The following MAP4K3 variants were observed in gnomAD, a reference collection of about 807,000 sequenced individuals.
MAP4K3 encodes mitogen-activated protein kinase kinase kinase kinase 3, also known as MAPK/ERK kinase kinase kinase 3.
MAP4K3 carries 94 observed loss-of-function variants against 143.5 expected under a neutral mutation model. The ratio of observed to expected loss-of-function variants is 0.65; its 90% confidence interval spans 0.55 to 0.78. The LOEUF (loss-of-function observed/expected upper bound fraction) is 0.78, where lower values mean the gene tolerates loss of function less well. Among genes scored for constraint, MAP4K3 ranks in the 30% least tolerant of loss-of-function variants. MAP4K3 has a pLI of 0.00. For missense variants in MAP4K3, 1,077 were observed against 1,068.1 expected, an observed-to-expected ratio of 1.01 and a Z score of -0.12; for synonymous variants, 416 against 347.2, an observed-to-expected ratio of 1.20 and a Z score of -2.20.
At chr2:39,434,290 A>G (rs1470330383) in intron 1 of MAP4K3, among the ~76,000 whole-genome samples, 1 of 152,226 alleles carries the variant, frequency 6.6e-6, no homozygotes, top group East Asian at 1.9e-4. Flanking sequence ...AGCAAAACAA[A>G]TAACAAAAAA....
rs74586184 is a variant in MAP4K3 at position 39,416,307 on chromosome 2, A to C, written c.96+20585T>G. 8.1e-3 allele frequency among the ~76,000 whole-genome samples: 1,227 copies of C among 152,160 alleles called. 18 individuals carry two copies. Among genetic ancestry groups the C allele is most frequent in the African/African-American group, 0.028 (1,176 of 41,494 alleles). On this transcript the variant is annotated intron_variant, in intron 1 of 33. Coordinates refer to ENST00000263881, the MANE Select transcript of MAP4K3 (RefSeq NM_003618.4). ...ACCAAATAGATAAGATGTTTCTGGC[A>C]TGTTAATAAAGAAATTCCTTCAACT...
At chr2:39,262,548 C>G (rs149986937) in intron 28 of MAP4K3, among the ~76,000 whole-genome samples, 1 of 152,078 alleles carries the variant, frequency 6.6e-6, no homozygotes, top group African/African-American at 2.4e-5. Flanking sequence ...AGTTTAAACA[C>G]AGAAACAACG....
intron 8 of MAP4K3, among the ~76,000 whole-genome samples, chr2:39,329,937 T>C (rs1041991094): frequency 3.9e-5 from 6 of 152,046 alleles, no homozygotes; most frequent in Admixed American, 2.0e-4. Context: ...GGCTCCATCA[T>C]GAAAATATGA....
intron 1 of MAP4K3, among the ~76,000 whole-genome samples, chr2:39,422,944 A>T (rs1425585539): frequency 6.6e-6 from 1 of 152,196 alleles, no homozygotes; most frequent in Non-Finnish European, 1.5e-5. Context: ...CATTAAAATT[A>T]AAAACTTCTG....
intron 1 of MAP4K3, among the ~76,000 whole-genome samples, chr2:39,392,247 C>T (rs1215845615): frequency 6.7e-6 from 1 of 149,322 alleles, no homozygotes; most frequent in African/African-American, 2.5e-5. Flanking sequence ...AATATCACTT[C>T]TCTAACCCGT....
At chr2:39,433,383 T>C (rs1665353892) in intron 1 of MAP4K3, among the ~76,000 whole-genome samples, 1 of 152,190 alleles carries the variant, frequency 6.6e-6, no homozygotes, top group African/African-American at 2.4e-5. Context: ...CTCCTGCTTC[T>C]TTCTAGCAAA....
chr2:39,332,907 A>G (rs550329920), intron 7 of MAP4K3, among the ~76,000 whole-genome samples: 16 of 152,176 alleles, frequency 1.1e-4, no homozygotes, highest in South Asian at 1.0e-3. Context: ...ATAGTTTAAA[A>G]TAACTGTTTT....
At position 39,437,227 on chromosome 2, in the gene MAP4K3, A is replaced by T. The variant is rs1291716748; in HGVS notation, c.-240T>A. ...CGCCGCGCCGAACCTGGTCACACCC[A>T]CAAGGAGAGGAGAACCCTCGCAGCC... On this transcript the variant is annotated 5_prime_UTR_variant, in exon 1 of 34. Transcript: ENST00000263881. 3 of 309,124 alleles carry T rather than the reference A, an allele frequency of 9.7e-6. No homozygotes were observed. The highest frequency in any genetic ancestry group is 1.2e-5 in the Non-Finnish European group (2 of 170,598). 19.1% of individuals were successfully genotyped at this position (309,124 alleles called of 1,614,324 possible).
intron 24 of MAP4K3, among the ~76,000 whole-genome samples, chr2:39,276,301 CT>C (rs1241377710): frequency 6.6e-6 from 1 of 152,230 alleles, no homozygotes; most frequent in East Asian, 1.9e-4. Flanking sequence ...TATACTCCAT[CT>C]TTCTGTTACT....
At chr2:39,430,288 C>T (rs768297797) in intron 1 of MAP4K3, among the ~76,000 whole-genome samples, 6 of 151,984 alleles carry the variant, frequency 3.9e-5, no homozygotes, top group Non-Finnish European at 8.8e-5. Flanking sequence ...CTTAAACAAA[C>T]AAAATAAGTG....
At chr2:39,290,445 T>G (rs1265145581) in intron 18 of MAP4K3, 111 bp from the exon 19 acceptor site, 2 of 663,764 alleles carry the variant, frequency 3.0e-6, no homozygotes, top group Non-Finnish European at 5.0e-6. Context: ...ACAAATATCA[T>G]TTTCTAAGAT....
chr2:39,397,833 A>G (rs1399151628), intron 1 of MAP4K3, among the ~76,000 whole-genome samples: 2 of 152,250 alleles, frequency 1.3e-5, no homozygotes, highest in African/African-American at 4.8e-5. Flanking sequence ...AGATAATCCA[A>G]TGAAAAAATG....
chr2:39,300,879 T>C (rs1444903467), intron 15 of MAP4K3, among the ~76,000 whole-genome samples: 3 of 152,198 alleles, frequency 2.0e-5, no homozygotes, highest in Non-Finnish European at 4.4e-5. Context: ...CAATGGGAAA[T>C]AATCAAATCT....
At chr2:39,298,869 G>A (rs1682393510) in intron 16 of MAP4K3, among the ~76,000 whole-genome samples, 1 of 151,410 alleles carries the variant, frequency 6.6e-6, no homozygotes, top group African/African-American at 2.4e-5. Context: ...GGAGGCTGGG[G>A]CATGAGAATC....
rs1185697832 is a variant in MAP4K3, at chr2:39,263,167, C to T, written c.2136+2036G>A. 5.3e-5 allele frequency among the ~76,000 whole-genome samples: 8 copies of T among 151,552 alleles called. No homozygotes were observed. In the South Asian group the frequency reaches 6.2e-4, roughly 12 times the overall value. ...TAGGAGGAAACAAGAATATAGAAAG[C>T]GTAACAATGTTTTTGAATACATCTG... On this transcript the variant is annotated intron_variant, in intron 28 of 33. Transcript: ENST00000263881.
intron 2 of MAP4K3, among the ~76,000 whole-genome samples, chr2:39,368,334 T>C (rs76623529): frequency 1.6e-4 from 25 of 152,248 alleles, no homozygotes; most frequent in African/African-American, 5.8e-4. Flanking sequence ...AATTTTCTGT[T>C]TTTATCATGC....
At chr2:39,379,534 A>T (rs897963213) in intron 1 of MAP4K3, among the ~76,000 whole-genome samples, 4 of 152,136 alleles carry the variant, frequency 2.6e-5, no homozygotes, top group African/African-American at 9.6e-5. Flanking sequence ...AAATAGAAAT[A>T]AAACCAGAAT....
At chr2:39,335,094 T>G (rs934212931) in intron 6 of MAP4K3, among the ~76,000 whole-genome samples, 1 of 151,936 alleles carries the variant, frequency 6.6e-6, no homozygotes, top group East Asian at 1.9e-4. Context: ...TGGAAAAGAA[T>G]GAGTAAAACA....
intron 1 of MAP4K3, among the ~76,000 whole-genome samples, chr2:39,415,610 T>C (rs1372620181): frequency 6.6e-6 from 1 of 152,232 alleles, no homozygotes; most frequent in South Asian, 2.1e-4. Flanking sequence ...TAAATTAATG[T>C]CAGGCATTAA....
Sources: gnomAD v4.1 joint callset for allele counts (sites outside exome capture counted in the v4.1 genomes callset) on GRCh38, gnomAD v4.1.1 for gene constraint, MANE v1.5 for transcripts, NCBI Gene and HGNC (gene_info 2026-07-23, HGNC 2026-07-21) for gene names.